The following ATP8B4 variants were observed in gnomAD, a reference collection of about 807,000 sequenced individuals.
ATP8B4 encodes ATPase phospholipid transporting 8B4 (putative), also known as probable phospholipid-transporting ATPase IM.
ATP8B4 carries 133 observed loss-of-function variants against 145.6 expected under a neutral mutation model. The ratio of observed to expected loss-of-function variants is 0.91; its 90% CI spans 0.79 to 1.05. The LOEUF (loss-of-function observed/expected upper bound fraction) is 1.05, where lower values mean the gene tolerates loss of function less well. Ranked by LOEUF, ATP8B4 falls within the 50% of genes least tolerant of loss-of-function variation. ATP8B4 has a pLI of 0.00. For synonymous variants in ATP8B4, 507 were observed against 492.9 expected (o/e 1.03, Z -0.38); for missense variants, 1,458 against 1,425.2 (o/e 1.02, Z -0.37).
At chr15:49,875,455 T>A (rs143273604) in intron 25 of ATP8B4, among the ~76,000 whole-genome samples, 216 of 152,196 alleles carry the variant, frequency 1.4e-3, no homozygotes, top group African/African-American at 5.0e-3. Context: ...TTATTAACAG[T>A]TTGCTCAGTA....
In ATP8B4 at chr15:50,156,141, T is replaced by C. The variant is rs1414692239; in HGVS notation, c.-43+26120A>G. ...ATAAATATATTTATATATATATAAA[T>C]ATATATATATATATTTGTTTGCTGG... is the stretch of plus-strand genomic sequence containing the variant. On this transcript the variant is annotated intron_variant, in intron 1 of 3. Coordinates refer to the ATP8B4 transcript ENST00000558829. Among the ~76,000 whole-genome samples the C allele has an allele frequency of 1.1e-3, 43 of 40,212 alleles. 5 individuals are homozygous for C. The highest frequency in any genetic ancestry group is 1.7e-3 in the Non-Finnish European group (32 of 18,694). The allele number at this position is 40,212 out of a possible 152,430, so 26.4% of individuals were successfully genotyped here. A position where few individuals can be genotyped will look rare whatever the true frequency, so the allele number is the denominator to read the frequency against.
chr15:49,898,244 G>A lies in ATP8B4; in HGVS notation c.2297C>T (p.Ala766Val), dbSNP rs757054235. The A allele has an allele frequency of 1.9e-6, 3 of 1,612,764 alleles. No individual in the cohort carries two copies. Among genetic ancestry groups the A allele is most frequent in the Non-Finnish European group, 2.5e-6 (3 of 1,179,250 alleles). Residue 766 changes from alanine (A) to valine (V), a missense_variant, in exon 22 of 28, where the codon GCC (alanine) becomes GTC (valine). Coordinates refer to ENST00000284509, the MANE Select transcript of ATP8B4 (RefSeq NM_024837.4). ...LIINGHSLAH[A>V]LESDVKNDLL... ...ATCATTCTTGACATCACTTTCTAGGGCATGAGCCTGTATGATTAAAAATAA... is the reference window on the plus strand; with the variant it reads ...ATCATTCTTGACATCACTTTCTAGGACATGAGCCTGTATGATTAAAAATAA...
At chr15:50,085,879 ATATATT>A (rs1276726742) in intron 2 of ATP8B4, among the ~76,000 whole-genome samples, 1 of 72,530 alleles carries the variant, frequency 1.4e-5, no homozygotes, top group African/African-American at 4.4e-5. Flanking sequence ...ATATATATTT[ATATATT>A]TATATATGAT....
intron 6 of ATP8B4, among the ~76,000 whole-genome samples, chr15:50,036,416 C>A (rs2050839636): frequency 6.6e-6 from 1 of 152,166 alleles, no homozygotes; most frequent in South Asian, 2.1e-4. Context: ...AAGAAAGCGG[C>A]AGGTGCAAGC....
At chr15:50,074,016 G>C (rs2054015038) in intron 3 of ATP8B4, 111 bp downstream of exon 3, 1 of 768,452 alleles carries the variant, frequency 1.3e-6, no homozygotes, top group South Asian at 2.0e-5. Context: ...TGTCAAAATG[G>C]GCCAATGAAG....
chr15:50,156,316 C>T (rs1031618100), intron 1 of ATP8B4, among the ~76,000 whole-genome samples: 3 of 151,590 alleles, frequency 2.0e-5, no homozygotes, highest in African/African-American at 7.3e-5. Flanking sequence ...AACTTTTATA[C>T]ACATTTATCT....
intron 17 of ATP8B4, among the ~76,000 whole-genome samples, chr15:49,922,613 C>A (rs1365162102): frequency 1.3e-5 from 2 of 152,042 alleles, no homozygotes; most frequent in Non-Finnish European, 2.9e-5. Context: ...TCAATAATAT[C>A]TTAAAGGAAA....
At chr15:50,011,478 G>A (rs879944691) in intron 6 of ATP8B4, among the ~76,000 whole-genome samples, 1 of 152,166 alleles carries the variant, frequency 6.6e-6, no homozygotes, top group Non-Finnish European at 1.5e-5. Context: ...TGAAGGACAG[G>A]CTTGGTGGTA....
At chr15:50,072,926 CTCTCT>C (rs1567305718) in intron 3 of ATP8B4, among the ~76,000 whole-genome samples, 30 of 9,556 alleles carry the variant, frequency 3.1e-3, no homozygotes, top group African/African-American at 0.011. Flanking sequence ...CCCGGCCTCT[CTCTCT>C]CTCTCTCTCT....
Position 49,934,180 on chromosome 15 carries a change from T to C in ATP8B4, c.1290A>G (p.Glu430=). The C allele has an allele frequency of 1.9e-6, 3 of 1,605,012 alleles. No individual in the cohort carries two copies. Among genetic ancestry groups the C allele is most frequent in the Non-Finnish European group, 2.5e-6 (3 of 1,176,886 alleles). ...TGACTGAGAAATCCACAGGCTCTTT[T>C]TCCTGTAGGAGAACAACAACAACAA... The part of the protein sequence containing the change: ...DLDQKTEITQ[E]KEPVDFSVKS... Residue 430 remains glutamate, a splice_region_variant and synonymous_variant, in exon 15 of 28, where the codon GAA becomes GAG. Transcript: ENST00000284509.
rs550875703 is a variant in ATP8B4 at position 49,990,620 on chromosome 15, G to A, written c.590-3071C>T. ...CATTCTAGATTTAGTCAGCTGGATC[G>A]TTGGTTAATTACCAACTTGACAGAC... On this transcript the variant is annotated intron_variant, in intron 9 of 27. Transcript: ENST00000284509. 1.6e-4 allele frequency among the ~76,000 whole-genome samples: 24 copies of A among 152,114 alleles called. 1 individual carries two copies. Among genetic ancestry groups the A allele is most frequent in the East Asian group, 7.7e-4 (4 of 5,180 alleles).
At chr15:50,131,979 G>T (rs1209185612) in intron 1 of ATP8B4, among the ~76,000 whole-genome samples, 4 of 151,802 alleles carry the variant, frequency 2.6e-5, no homozygotes, top group Non-Finnish European at 5.9e-5. Context: ...ATTCTTATTA[G>T]ATTTATTTTG....
chr15:50,153,573 G>A (rs1364056155), intron 1 of ATP8B4, among the ~76,000 whole-genome samples: 6 of 152,090 alleles, frequency 3.9e-5, no homozygotes, highest in East Asian at 1.9e-4. Context: ...TCCTGACCTC[G>A]TGATCCGCCC....
chr15:50,033,277 G>T (rs1057103520), intron 6 of ATP8B4, among the ~76,000 whole-genome samples: 1 of 152,174 alleles, frequency 6.6e-6, no homozygotes, highest in Admixed American at 6.5e-5. Context: ...TGCACAAAAA[G>T]CTTACAGTCA....
chr15:49,952,145 C>A (rs2043160628), intron 14 of ATP8B4, among the ~76,000 whole-genome samples: 1 of 152,100 alleles, frequency 6.6e-6, no homozygotes, highest in African/African-American at 2.4e-5. Context: ...TCATTTGGAC[C>A]TTGGAGAATC....
chr15:50,120,235 C>T (rs1464946771), upstream of ATP8B4, among the ~76,000 whole-genome samples: 2 of 152,068 alleles, frequency 1.3e-5, no homozygotes, highest in African/African-American at 4.8e-5. Context: ...CAGGTTTTCA[C>T]AGAAACAAGG....
At chr15:49,912,603 T>C (rs1284177169) in intron 20 of ATP8B4, among the ~76,000 whole-genome samples, 3 of 152,110 alleles carry the variant, frequency 2.0e-5, no homozygotes, top group Non-Finnish European at 4.4e-5. Context: ...AAAGAAGAAT[T>C]ACTATAAATT....
In ATP8B4 at chr15:50,005,320, T is replaced by A. The variant is rs141906310; in HGVS notation, c.436-3097A>T. 2.0e-5 allele frequency among the ~76,000 whole-genome samples: 3 copies of A among 152,312 alleles called. No individual in the cohort carries two copies. The East Asian group carries it at 5.8e-4, about 29-fold the overall frequency. On this transcript the variant is annotated intron_variant, in intron 7 of 27. Transcript: ENST00000284509. ...GTCCTCAGAGCCAAAGACATTGTCC[T>A]CATAGGGTTATTAGGCATAATAAAT...
intron 10 of ATP8B4, among the ~76,000 whole-genome samples, chr15:49,983,731 C>G (rs1206219772): frequency 6.6e-6 from 1 of 152,164 alleles, no homozygotes; most frequent in African/African-American, 2.4e-5. Context: ...GGATAAAGAC[C>G]AAACTTCTGG....
Sources: allele counts gnomAD v4.1 joint callset (sites outside exome capture counted in the v4.1 genomes callset), GRCh38; gene constraint gnomAD v4.1.1; transcripts MANE v1.5; gene names NCBI Gene and HGNC (gene_info 2026-07-23, HGNC 2026-07-21).